The following BOK variants were observed in gnomAD, a reference collection of about 807,000 sequenced individuals.
BOK encodes the protein bcl-2-related ovarian killer protein.
A neutral mutation model predicts 18.3 loss-of-function variants in BOK; 20 were observed. The observed-to-expected ratio is 1.09, with a 90% CI of 0.77 to 1.59. The LOEUF is 1.59. Ranked by LOEUF, BOK falls within the 40% of genes most tolerant of loss-of-function variation. BOK has a pLI of 0.00. For missense variants in BOK, 348 were observed against 307.9 expected, an observed-to-expected ratio of 1.13 and a Z score of -0.97; for synonymous variants, 173 against 142.4, an observed-to-expected ratio of 1.21 and a Z score of -1.53.
chr2:241,571,904 G>T (rs2066728639), intron 4 of BOK, among the ~76,000 whole-genome samples: 1 of 152,248 alleles, frequency 6.6e-6, no homozygotes, highest in Non-Finnish European at 1.5e-5. Context: ...CCCCACAGGA[G>T]GATGACGGCG....
At chr2:241,563,883 G>T (rs2066569385) in intron 3 of BOK, among the ~76,000 whole-genome samples, 1 of 152,040 alleles carries the variant, frequency 6.6e-6, no homozygotes, top group East Asian at 1.9e-4. Context: ...AAGAGGCCAG[G>T]AGTGTGAGGA....
rs573971248 is a variant in BOK at position 241,559,891 on chromosome 2, G to GC, written c.220+195dup. The stretch of plus-strand genomic sequence containing the variant: ...CCCTCTCAGGCCTCCCACGCCACAG[G>GC]CCCCCCCATCAGCTGCCTGCTCAGC... On this transcript the variant is annotated intron_variant, in intron 2 of 4. Transcript: ENST00000318407. Among the ~76,000 whole-genome samples the GC allele has an allele frequency of 7.3e-3, 1,107 of 152,252 alleles. 11 individuals are homozygous for GC. Among genetic ancestry groups the GC allele is most frequent in the African/African-American group, 0.024 (1,016 of 41,540 alleles).
In BOK at chr2:241,562,220, C is replaced by A; in HGVS notation, c.221-128C>A. On this transcript the variant is annotated intron_variant, in intron 2 of 4. Transcript: ENST00000318407. The surrounding 1 kb of genome is among the most constrained non-coding windows in gnomAD (Gnocchi z 4.5). ...GGGTCAAGTGGAGGTGGGAATCAGA[C>A]AAGTGAGGAACAGGCTGGAATTCAA... 8.0e-7 allele frequency: 1 copy of A among 1,249,850 alleles called. No homozygotes were observed. Among genetic ancestry groups the A allele is most frequent in the Non-Finnish European group, 1.1e-6 (1 of 922,836 alleles). 77.4% of individuals were successfully genotyped at this position (1,249,850 alleles called of 1,614,324 possible).
intron 3 of BOK, among the ~76,000 whole-genome samples, chr2:241,567,569 G>A (rs1252382812): frequency 3.0e-5 from 4 of 134,946 alleles, no homozygotes; most frequent in Non-Finnish European, 6.3e-5. Context: ...AAGTGCAGCG[G>A]GTAGAGCAGG....
chr2:241,552,971 G>C (rs1207372594), intron 1 of BOK, among the ~76,000 whole-genome samples: 1 of 152,106 alleles, frequency 6.6e-6, no homozygotes, highest in Admixed American at 6.5e-5. Flanking sequence ...GCCTGGTTTT[G>C]CAAAAAAAGG....
chr2:241,568,992 A>C, intron 3 of BOK, among the ~76,000 whole-genome samples: 1 of 151,838 alleles, frequency 6.6e-6, no homozygotes, highest in South Asian at 2.1e-4. Context: ...GACCGCTGCT[A>C]ACTCCCTGCG....
At chr2:241,552,337 C>A (rs1405837216) in intron 1 of BOK, among the ~76,000 whole-genome samples, 1 of 132,078 alleles carries the variant, frequency 7.6e-6, no homozygotes, top group Non-Finnish European at 1.7e-5. Context: ...ACCCGCAGCA[C>A]GCCCTGCACT....
At chr2:241,572,037 C>T (rs1261084738) in intron 4 of BOK, among the ~76,000 whole-genome samples, 2 of 152,224 alleles carry the variant, frequency 1.3e-5, no homozygotes, top group East Asian at 1.9e-4. Flanking sequence ...AGGGGCCCTC[C>T]GGCCGGCCTG....
intron 1 of BOK, among the ~76,000 whole-genome samples, chr2:241,552,570 T>TGCC (rs1254944658): frequency 6.6e-6 from 1 of 152,212 alleles, no homozygotes; most frequent in African/African-American, 2.4e-5. Flanking sequence ...TGCCTGAGGC[T>TGCC]GCCGCCGCTG....
At chr2:241,564,668 C>G (rs1467714759) in intron 3 of BOK, among the ~76,000 whole-genome samples, 2 of 152,108 alleles carry the variant, frequency 1.3e-5, no homozygotes, top group Non-Finnish European at 2.9e-5. Flanking sequence ...GCCAGGGTGA[C>G]CCAGGCAGGC....
At chr2:241,564,147 G>T (rs1363065182) in intron 3 of BOK, among the ~76,000 whole-genome samples, 1 of 152,254 alleles carries the variant, frequency 6.6e-6, no homozygotes, top group African/African-American at 2.4e-5. Context: ...GACCTGGCAG[G>T]CTGCTGGAGC....
intron 1 of BOK, among the ~76,000 whole-genome samples, 200 bp from the exon 2 acceptor site, chr2:241,559,255 C>A (rs2066485522): frequency 6.6e-6 from 1 of 151,774 alleles, no homozygotes; most frequent in Non-Finnish European, 1.5e-5. Flanking sequence ...CGGTCCCTGG[C>A]AGCCTCGGGG....
chr2:241,560,264 GGTCTGGACCCAA>G lies in BOK; in HGVS notation c.220+563_220+574del, dbSNP rs2066507339. ...CACTGGCTGCCCCCACCGTCTCCAAGGTCTGGACCCAAGAGGGAGGGACCAGCCCCACTGTGA... is the reference window on the plus strand; with the variant it reads ...CACTGGCTGCCCCCACCGTCTCCAAGGAGGGAGGGACCAGCCCCACTGTGA... On this transcript the variant is annotated intron_variant, in intron 2 of 4. Coordinates refer to ENST00000318407, the MANE Select transcript of BOK (RefSeq NM_032515.5). 5.1e-6 allele frequency: 5 copies of G among 985,094 alleles called. No individual in the cohort carries two copies. The South Asian group carries it at 2.3e-4, about 46-fold the overall frequency. 61.0% of individuals were successfully genotyped at this position (985,094 alleles called of 1,614,324 possible). A position where few individuals can be genotyped will look rare whatever the true frequency, so the allele number is the denominator to read the frequency against.
upstream of BOK, among the ~76,000 whole-genome samples, chr2:241,557,308 C>CTTTTTT (rs59048690): frequency 2.5e-4 from 32 of 126,744 alleles, no homozygotes; most frequent in Non-Finnish European, 4.3e-4. Context: ...TTTCTTTTTC[C>CTTTTTT]TTTTTTTTTT....
chr2:241,558,077 A>ACACACACACACT (rs1238082159), upstream of BOK, among the ~76,000 whole-genome samples: 1 of 151,494 alleles, frequency 6.6e-6, no homozygotes, highest in East Asian at 1.9e-4. Context: ...ACACACACAC[A>ACACACACACACT]CTCTTCAGCT....
intron 4 of BOK, among the ~76,000 whole-genome samples, chr2:241,571,111 G>A (rs938315704): frequency 2.6e-5 from 4 of 151,864 alleles, no homozygotes; most frequent in African/African-American, 9.7e-5. Flanking sequence ...GGCAAGGGCC[G>A]AGACCTACAG....
upstream of BOK, among the ~76,000 whole-genome samples, chr2:241,554,941 G>T (rs1044015476): frequency 2.0e-5 from 3 of 152,244 alleles, no homozygotes; most frequent in Non-Finnish European, 2.9e-5. Flanking sequence ...AGAGGAGTCA[G>T]TTGCATGGCA....
chr2:241,568,265 C>T (rs2066647196), intron 3 of BOK, among the ~76,000 whole-genome samples: 1 of 152,136 alleles, frequency 6.6e-6, no homozygotes, highest in Non-Finnish European at 1.5e-5. Context: ...GGACTACAGG[C>T]ACCAGCCGCC....
In BOK at chr2:241,570,058, G is replaced by A. The variant is rs2066684655; in HGVS notation, c.350-67G>A. ...CAGGACAGCGGCTCAGAGAGGCCCA[G>A]CCCCTTCCTTAAGTGCTCCCGTGGG... On this transcript the variant is annotated intron_variant, in intron 3 of 4. Coordinates refer to ENST00000318407, the MANE Select transcript of BOK (RefSeq NM_032515.5). 5 of 1,542,630 alleles carry A rather than the reference G, an allele frequency of 3.2e-6. No individual in the cohort carries two copies. In the South Asian group the frequency reaches 3.7e-5, roughly 12 times the overall value.
Sources: allele counts gnomAD v4.1 joint callset (sites outside exome capture counted in the v4.1 genomes callset), GRCh38; gene constraint gnomAD v4.1.1; non-coding constraint Gnocchi (gnomAD v3.1); transcripts MANE v1.5; gene names NCBI Gene and HGNC (gene_info 2026-07-23, HGNC 2026-07-21).